The following KCNIP4 variants were observed in gnomAD, a reference collection of about 807,000 sequenced individuals.
The protein encoded by KCNIP4 is Kv channel-interacting protein 4.
Under a neutral mutation model 34.0 loss-of-function variants are expected in KCNIP4, and 12 were observed. The ratio of observed to expected loss-of-function variants is 0.35; its 90% CI spans 0.23 to 0.57. KCNIP4 has a LOEUF of 0.57. Ranked by LOEUF, KCNIP4 falls within the 20% of genes least tolerant of loss-of-function variation. The pLI, the probability that KCNIP4 is intolerant of heterozygous loss-of-function variation, is 0.83. For synonymous variants in KCNIP4, 124 were observed against 102.2 expected (o/e 1.21, Z -1.29); for missense variants, 238 against 311.7 (o/e 0.76, Z 1.78).
chr4:21,604,050 T>C (rs1743437722), intron 1 of KCNIP4, among the ~76,000 whole-genome samples: 1 of 152,136 alleles, frequency 6.6e-6, no homozygotes. Context: ...GATTATAAAT[T>C]TTAGGTTTTA....
chr4:21,569,517 AT>A (rs772221839), intron 1 of KCNIP4, among the ~76,000 whole-genome samples: 6 of 152,034 alleles, frequency 3.9e-5, no homozygotes, highest in Non-Finnish European at 7.4e-5. Context: ...GCTTCCTCAC[AT>A]AGCAAAGGAG....
intron 1 of KCNIP4, among the ~76,000 whole-genome samples, chr4:21,882,652 T>C (rs1275999627): frequency 6.6e-6 from 1 of 152,070 alleles, no homozygotes; most frequent in Non-Finnish European, 1.5e-5. Flanking sequence ...GTACCAAAAG[T>C]AGCCTAAAGC....
At chr4:21,796,467 G>A (rs190252208) in intron 1 of KCNIP4, among the ~76,000 whole-genome samples, 1 of 152,250 alleles carries the variant, frequency 6.6e-6, no homozygotes, top group East Asian at 1.9e-4. Flanking sequence ...TCAAAATCCA[G>A]GACTCTCTCT....
At chr4:20,936,027 G>A (rs1032311551) in intron 1 of KCNIP4, among the ~76,000 whole-genome samples, 3 of 151,334 alleles carry the variant, frequency 2.0e-5, no homozygotes, top group Non-Finnish European at 4.4e-5. Context: ...GAAAAAACTG[G>A]AACACAAGAG....
intron 1 of KCNIP4, among the ~76,000 whole-genome samples, chr4:21,378,775 A>C (rs978730189): frequency 3.0e-4 from 46 of 152,194 alleles, no homozygotes; most frequent in Admixed American, 1.9e-3. Flanking sequence ...TTAGTCTTTT[A>C]TAAATCTCTA....
At chr4:21,047,017 T>C (rs1287991654) in intron 1 of KCNIP4, among the ~76,000 whole-genome samples, 2 of 152,238 alleles carry the variant, frequency 1.3e-5, no homozygotes, top group African/African-American at 4.8e-5. Flanking sequence ...TTGAGGACTG[T>C]CACCTCTGCC....
rs1442354402 is a variant in KCNIP4 at position 20,936,421 on chromosome 4, T to TTC, written c.62-53713_62-53712insGA. On this transcript the variant is annotated intron_variant, in intron 1 of 8. Transcript: ENST00000382152. ...ACTAAGATTAAAAGATATGTTTTTT[T>TTC]TTTCTAAAATAAGGCCCCGTCCTAA... Among the ~76,000 whole-genome samples, 1,386 of 151,818 alleles carry TTC rather than the reference T, an allele frequency of 9.1e-3. 23 individuals are homozygous for TTC. The highest frequency in any genetic ancestry group is 0.032 in the African/African-American group (1,311 of 41,384).
chr4:21,690,114 AT>A (rs1421745041), intron 1 of KCNIP4, among the ~76,000 whole-genome samples: 1 of 147,096 alleles, frequency 6.8e-6, no homozygotes, highest in Admixed American at 6.8e-5. Flanking sequence ...ATATACATAT[AT>A]TATATATATA....
chr4:21,869,725 A>C (rs1447009438), intron 1 of KCNIP4, among the ~76,000 whole-genome samples: 1 of 145,772 alleles, frequency 6.9e-6, no homozygotes, highest in Non-Finnish European at 1.5e-5. Context: ...TAGAGAGATA[A>C]GGAGATAGAT....
intron 3 of KCNIP4, among the ~76,000 whole-genome samples, chr4:20,831,436 A>G (rs1267868510): frequency 6.6e-6 from 1 of 152,130 alleles, no homozygotes; most frequent in Non-Finnish European, 1.5e-5. Context: ...GAGGCAATGT[A>G]GGGGCTCTTC....
At chr4:21,647,773 C>T (rs1296656851) in intron 1 of KCNIP4, among the ~76,000 whole-genome samples, 2 of 150,952 alleles carry the variant, frequency 1.3e-5, no homozygotes, top group Non-Finnish European at 2.9e-5. Flanking sequence ...CCTCAACTTA[C>T]GTACCCCACT....
intron 2 of KCNIP4, among the ~76,000 whole-genome samples, chr4:20,857,585 G>A (rs929244340): frequency 6.6e-6 from 1 of 151,966 alleles, no homozygotes; most frequent in Non-Finnish European, 1.5e-5. Flanking sequence ...TATCTCCTAT[G>A]CATATATATG....
chr4:21,786,281 C>T (rs1489195449), intron 1 of KCNIP4, among the ~76,000 whole-genome samples: 1 of 152,144 alleles, frequency 6.6e-6, no homozygotes, highest in Admixed American at 6.5e-5. Flanking sequence ...GAATTGAAAT[C>T]TCTGGGTCAT....
At chr4:21,288,506 T>A (rs888818933) in intron 1 of KCNIP4, among the ~76,000 whole-genome samples, 1 of 152,244 alleles carries the variant, frequency 6.6e-6, no homozygotes, top group African/African-American at 2.4e-5. Flanking sequence ...GCTTACATAG[T>A]GTTAACCTTG....
At chr4:21,498,996 T>A (rs1406148035) in intron 1 of KCNIP4, among the ~76,000 whole-genome samples, 1 of 152,218 alleles carries the variant, frequency 6.6e-6, no homozygotes, top group Non-Finnish European at 1.5e-5. Context: ...CTTTGCTATT[T>A]ATGTACTAAA....
At chr4:21,727,117 C>G (rs1410583393) in intron 1 of KCNIP4, among the ~76,000 whole-genome samples, 2 of 152,086 alleles carry the variant, frequency 1.3e-5, no homozygotes. Context: ...TAAATGTGTT[C>G]CTCCAAAATT....
intron 1 of KCNIP4, among the ~76,000 whole-genome samples, chr4:21,526,571 T>C (rs13117886): frequency 0.27 from 40,481 of 151,818 alleles, 5,475 homozygotes; most frequent in Admixed American, 0.32. Flanking sequence ...TATTCATATA[T>C]ATAGATTTAT....
chr4:21,234,411 CAT>C lies in KCNIP4; in HGVS notation c.62-351704_62-351703del, dbSNP rs1376942151. On this transcript the variant is annotated intron_variant, in intron 1 of 8. Transcript: ENST00000382152. ...ATAACATATATAATATATTATATAA[CAT>C]ATACTATATATATTACATATAACGT... Among the ~76,000 whole-genome samples the C allele has an allele frequency of 4.3e-4, 48 of 111,930 alleles. 15 individuals carry two copies. The highest frequency in any genetic ancestry group is 5.6e-3 in the Middle Eastern group (1 of 178). The allele number at this position is 111,930 out of a possible 152,430, so 73.4% of individuals were successfully genotyped here. A position where few individuals can be genotyped will look rare whatever the true frequency, so the allele number is the denominator to read the frequency against.
At chr4:21,379,680 A>C (rs560837443) in intron 1 of KCNIP4, among the ~76,000 whole-genome samples, 1 of 152,300 alleles carries the variant, frequency 6.6e-6, no homozygotes, top group African/African-American at 2.4e-5. Context: ...TGTAGACAAT[A>C]GATGGCAAAT....
Sources: gnomAD v4.1 joint callset for allele counts (sites outside exome capture counted in the v4.1 genomes callset) on GRCh38, gnomAD v4.1.1 for gene constraint, MANE v1.5 for transcripts, NCBI Gene and HGNC (gene_info 2026-07-23, HGNC 2026-07-21) for gene names.